The following DGKB variants were observed in gnomAD, a reference collection of about 807,000 sequenced individuals.
DGKB encodes the protein 90 kDa diacylglycerol kinase.
A neutral mutation model predicts 114.3 loss-of-function variants in DGKB; 67 were observed. The ratio of observed to expected loss-of-function variants is 0.59; its 90% CI spans 0.48 to 0.72. The LOEUF (loss-of-function observed/expected upper bound fraction) is 0.72. Ranked by LOEUF, DGKB falls within the 30% of genes least tolerant of loss-of-function variation. The probability of loss-of-function intolerance (pLI) is 0.00; values close to 1 mark genes in which losing one functional copy is unlikely to be tolerated. For synonymous variants in DGKB, 398 were observed against 323.1 expected, an observed-to-expected ratio of 1.23 and a Z score of -2.49; for missense variants, 907 against 975.2, an observed-to-expected ratio of 0.93 and a Z score of 0.93.
intron 21 of DGKB, among the ~76,000 whole-genome samples, chr7:14,427,088 C>G (rs1011523716): frequency 6.6e-6 from 1 of 151,734 alleles, no homozygotes; most frequent in Non-Finnish European, 1.5e-5. Flanking sequence ...CACACTGGGG[C>G]CTGTCAGGGA....
At chr7:14,205,723 C>CA (rs1371715968) in intron 23 of DGKB, among the ~76,000 whole-genome samples, 8 of 151,900 alleles carry the variant, frequency 5.3e-5, no homozygotes, top group Non-Finnish European at 1.0e-4. Flanking sequence ...TCTGGCCCCA[C>CA]AAGGCATTTG....
intron 1 of DGKB, among the ~76,000 whole-genome samples, chr7:14,871,393 G>A (rs1293450195): frequency 6.6e-6 from 1 of 152,158 alleles, no homozygotes; most frequent in Non-Finnish European, 1.5e-5. Context: ...GACAAAATGT[G>A]ACGGGAAAGG....
intron 21 of DGKB, among the ~76,000 whole-genome samples, chr7:14,362,761 A>G (rs1196529385): frequency 6.6e-6 from 1 of 152,132 alleles, no homozygotes; most frequent in Non-Finnish European, 1.5e-5. Flanking sequence ...GTATTGTATT[A>G]CATGCATATT....
At chr7:14,392,782 A>T (rs1390358441) in intron 21 of DGKB, among the ~76,000 whole-genome samples, 1 of 152,156 alleles carries the variant, frequency 6.6e-6, no homozygotes, top group African/African-American at 2.4e-5. Flanking sequence ...AATTACAATG[A>T]ATAAAATAAG....
At chr7:14,732,806 G>T (rs184551148) in intron 5 of DGKB, among the ~76,000 whole-genome samples, 4 of 151,918 alleles carry the variant, frequency 2.6e-5, no homozygotes, top group Middle Eastern at 6.8e-3. Flanking sequence ...AATAAATCTG[G>T]CATCTTCTAT....
chr7:14,607,365 T>G (rs933098377), intron 17 of DGKB, 69 bp downstream of exon 17: 13 of 795,208 alleles, frequency 1.6e-5, no homozygotes, highest in Non-Finnish European at 2.8e-5. Context: ...TTTCTACATA[T>G]GTCAGGCAGC....
At chr7:14,647,670 T>C (rs1286885700) in intron 13 of DGKB, among the ~76,000 whole-genome samples, 1 of 152,050 alleles carries the variant, frequency 6.6e-6, no homozygotes, top group Non-Finnish European at 1.5e-5. Flanking sequence ...ACAGCTCGGG[T>C]CTACAGCTCC....
At chr7:14,637,053 A>G (rs1373365153) in intron 13 of DGKB, among the ~76,000 whole-genome samples, 1 of 151,938 alleles carries the variant, frequency 6.6e-6, no homozygotes, top group African/African-American at 2.4e-5. Context: ...ATAGCGCACA[A>G]GAAGCTGCGG....
chr7:14,705,655 A>C (rs1431265014), intron 6 of DGKB, among the ~76,000 whole-genome samples: 6 of 150,604 alleles, frequency 4.0e-5, no homozygotes, highest in South Asian at 2.2e-4. Context: ...AGTGGGGGCC[A>C]ATATTCAACA....
At chr7:14,257,562 C>T (rs963735996) in intron 23 of DGKB, among the ~76,000 whole-genome samples, 3 of 152,054 alleles carry the variant, frequency 2.0e-5, no homozygotes, top group Non-Finnish European at 4.4e-5. Flanking sequence ...ATGCTGTTCT[C>T]GTGATAGTGA....
intron 23 of DGKB, among the ~76,000 whole-genome samples, chr7:14,258,015 A>T (rs1796203926): frequency 6.6e-6 from 1 of 152,232 alleles, no homozygotes; most frequent in African/African-American, 2.4e-5. Flanking sequence ...GGCGTGAGCC[A>T]ATCAATGTGT....
intron 1 of DGKB, among the ~76,000 whole-genome samples, chr7:14,853,859 C>A (rs55635963): frequency 8.1e-6 from 1 of 123,250 alleles, no homozygotes; most frequent in Non-Finnish European, 1.6e-5. Flanking sequence ...CAGACCGAGA[C>A]TCCGTCTCAA....
intron 1 of DGKB, among the ~76,000 whole-genome samples, chr7:14,894,708 C>G (rs1480824151): frequency 6.6e-6 from 1 of 151,362 alleles, no homozygotes; most frequent in Non-Finnish European, 1.5e-5. Flanking sequence ...ATGCAGGTAC[C>G]TTGGACAAAA....
At chr7:14,732,560 GA>G (rs202114310) in intron 5 of DGKB, among the ~76,000 whole-genome samples, 3 of 149,666 alleles carry the variant, frequency 2.0e-5, no homozygotes, top group Middle Eastern at 3.5e-3. Context: ...AGGTGGGTCT[GA>G]AAAAAAAATA....
At chr7:14,155,939 C>A (rs566768557) in intron 25 of DGKB, among the ~76,000 whole-genome samples, 32 of 152,190 alleles carry the variant, frequency 2.1e-4, no homozygotes, top group Admixed American at 8.5e-4. Context: ...TGGGTTTGAT[C>A]ATCTTATAAC....
intron 20 of DGKB, among the ~76,000 whole-genome samples, chr7:14,480,866 T>C (rs1782884213): frequency 6.6e-6 from 1 of 152,128 alleles, no homozygotes; most frequent in Non-Finnish European, 1.5e-5. Flanking sequence ...ATATAGCTCA[T>C]ATTTTCATAC....
rs577713686 is a variant in DGKB, at chr7:14,581,926, T to C, written c.1520-975A>G. Reference sequence around the variant, plus strand: ...AAACATATAAATATGATTTACATTGTTTAATGGAAGGCCAGATCAGAATTT... The same window carrying C: ...AAACATATAAATATGATTTACATTGCTTAATGGAAGGCCAGATCAGAATTT... On this transcript the variant is annotated intron_variant, in intron 18 of 25. Coordinates refer to ENST00000402815, the MANE Select transcript of DGKB (RefSeq NM_001350709.2). 2.6e-5 allele frequency among the ~76,000 whole-genome samples: 4 copies of C among 152,346 alleles called. No individual in the cohort carries two copies. In the South Asian group the frequency reaches 8.3e-4, roughly 32 times the overall value.
At chr7:14,881,638 A>G (rs367681393) in intron 1 of DGKB, among the ~76,000 whole-genome samples, 117 of 152,234 alleles carry the variant, frequency 7.7e-4, no homozygotes, top group African/African-American at 2.7e-3. Flanking sequence ...GTTTTGTACC[A>G]GGAACACTGT....
At chr7:14,928,651 A>G (rs1562882501) in intron 1 of DGKB, among the ~76,000 whole-genome samples, 2 of 151,808 alleles carry the variant, frequency 1.3e-5, no homozygotes, top group South Asian at 2.1e-4. Context: ...GTGTATGTTC[A>G]TTTTTTATTT....
Sources: gnomAD v4.1 joint callset for allele counts (sites outside exome capture counted in the v4.1 genomes callset) on GRCh38, gnomAD v4.1.1 for gene constraint, MANE v1.5 for transcripts, NCBI Gene and HGNC (gene_info 2026-07-23, HGNC 2026-07-21) for gene names.